The following ALK variants were observed in gnomAD, a reference collection of about 807,000 sequenced individuals.
ALK encodes ALK receptor tyrosine kinase.
In ALK, 74 loss-of-function variants were observed where a neutral mutation model predicts 163.1. The observed-to-expected ratio is 0.45, with a 90% CI of 0.38 to 0.55. The LOEUF is 0.55. Ranked by LOEUF, ALK falls within the 20% of genes least tolerant of loss-of-function variation. The pLI is 0.00. For synonymous variants in ALK, 960 were observed against 843.2 expected, an observed-to-expected ratio of 1.14 and a Z score of -2.40; for missense variants, 2,063 against 2,105.3, an observed-to-expected ratio of 0.98 and a Z score of 0.39.
intron 1 of ALK, among the ~76,000 whole-genome samples, chr2:29,900,291 GCC>G (rs777929787): frequency 7.3e-4 from 111 of 152,200 alleles, no homozygotes; most frequent in Non-Finnish European, 1.4e-3. Context: ...ATGGAGATGG[GCC>G]ACCTAACAGG....
At chr2:29,847,610 G>A (rs537649758) in intron 1 of ALK, among the ~76,000 whole-genome samples, 76 of 152,164 alleles carry the variant, frequency 5.0e-4, no homozygotes, top group African/African-American at 1.8e-3. Flanking sequence ...AGACAGAAAG[G>A]TGAACATGAC....
chr2:29,275,236 G>A lies in ALK; in HGVS notation c.1913-9C>T, dbSNP rs1413469769. The A allele has an allele frequency of 6.2e-7, 1 of 1,613,968 alleles. No individual in the cohort carries two copies. On this transcript the variant is annotated splice_polypyrimidine_tract_variant and intron_variant, in intron 10 of 28. Coordinates refer to ENST00000389048, the MANE Select transcript of ALK (RefSeq NM_004304.5). Reference sequence around the variant, plus strand: ...CTTGTCCTCTCCGCTAACTGCAATAGAGAAGACCCCACGGGCTGAGTTAGG... The same window carrying A: ...CTTGTCCTCTCCGCTAACTGCAATAAAGAAGACCCCACGGGCTGAGTTAGG...
In ALK at chr2:29,296,911, C is replaced by T. The variant is rs942266375; in HGVS notation, c.1794G>A (p.Leu598=). 3.7e-6 allele frequency: 6 copies of T among 1,614,050 alleles called. No individual in the cohort carries two copies. The Admixed American group carries it at 1.0e-4, about 27-fold the overall frequency. The part of the protein sequence containing the change: ...EGLSLWQWMV[L]PLLDVSDRFW... ...ACCTGTCAGACACATCGAGGAGAGG[C>T]AACACCATCCACTGCCACAGGCTCA... The change falls in exon 9 of 29, where the codon TTG becomes TTA. Residue 598 remains leucine (L), a synonymous_variant. Coordinates refer to ENST00000389048, the MANE Select transcript of ALK (RefSeq NM_004304.5).
intron 3 of ALK, among the ~76,000 whole-genome samples, chr2:29,599,295 T>C (rs1486774375): frequency 6.6e-6 from 1 of 152,162 alleles, no homozygotes; most frequent in African/African-American, 2.4e-5. Flanking sequence ...CCAGATGTGA[T>C]AAAATAAAAA....
intron 3 of ALK, among the ~76,000 whole-genome samples, chr2:29,537,089 C>T (rs886850797): frequency 6.6e-6 from 1 of 152,196 alleles, no homozygotes; most frequent in Non-Finnish European, 1.5e-5. Context: ...AATTTGCAGA[C>T]TACTCAGGTA....
At chr2:29,297,256 C>T (rs919509042) in intron 8 of ALK, among the ~76,000 whole-genome samples, 199 bp from the exon 9 acceptor site, 2 of 152,136 alleles carry the variant, frequency 1.3e-5, no homozygotes, top group African/African-American at 2.4e-5. Flanking sequence ...GATAACTGAA[C>T]GAATCTGTTA....
At chr2:29,211,926 G>C (rs1669476666) in intron 24 of ALK, among the ~76,000 whole-genome samples, 1 of 152,212 alleles carries the variant, frequency 6.6e-6, no homozygotes, top group Non-Finnish European at 1.5e-5. Context: ...ACTATTTCCA[G>C]ATATGGAAGT....
chr2:29,271,550 T>A (rs1665385516), intron 11 of ALK, among the ~76,000 whole-genome samples: 1 of 152,230 alleles, frequency 6.6e-6, no homozygotes, highest in South Asian at 2.1e-4. Context: ...ACTTGGACAC[T>A]GTCTACTTCT....
At chr2:29,229,218 A>T in intron 15 of ALK, 152 bp from the exon 16 acceptor site, 1 of 739,628 alleles carries the variant, frequency 1.4e-6, no homozygotes. Context: ...GGGGCTTCAG[A>T]TCCACACTAG....
intron 3 of ALK, among the ~76,000 whole-genome samples, chr2:29,546,488 T>G (rs1385780431): frequency 6.6e-6 from 1 of 152,040 alleles, no homozygotes; most frequent in African/African-American, 2.4e-5. Flanking sequence ...TTTAATTCAA[T>G]GAGAAACAGG....
Position 29,717,589 on chromosome 2 carries a change from C to A in ALK, c.776G>T (p.Arg259Leu), listed in dbSNP as rs138686378. 6.2e-7 allele frequency: 1 copy of A among 1,613,486 alleles called. No individual in the cohort carries two copies. Among genetic ancestry groups the A allele is most frequent in the African/African-American group, 1.3e-5 (1 of 74,820 alleles). The change falls in exon 2 of 29, where the codon CGC (arginine) becomes CTC (leucine). Residue 259 changes from arginine (R) to leucine (L), a missense_variant. Physicochemically the swap from Arg to Leu is moderately radical, Grantham distance 102 (BLOSUM62 -2). Transcript: ENST00000389048. ...MKDSFPFLSH[R>L]SRYGLECSFD... ...AAACATATACTTACCATATCGGCTG[C>A]GATGAGACAGGAAAGGGAAGGAGTC...
At chr2:29,660,445 G>A (rs1027645600) in intron 3 of ALK, among the ~76,000 whole-genome samples, 1 of 152,106 alleles carries the variant, frequency 6.6e-6, no homozygotes, top group African/African-American at 2.4e-5. Flanking sequence ...GGAAATCACT[G>A]GTGGGGACAA....
intron 3 of ALK, among the ~76,000 whole-genome samples, chr2:29,611,037 T>C (rs1675676917): frequency 6.6e-6 from 1 of 152,176 alleles, no homozygotes; most frequent in South Asian, 2.1e-4. Context: ...GTTTCTCTAA[T>C]GTGACCTAGG....
chr2:29,530,409 A>C (rs1485007834), intron 4 of ALK, among the ~76,000 whole-genome samples: 1 of 152,160 alleles, frequency 6.6e-6, no homozygotes, highest in Non-Finnish European at 1.5e-5. Flanking sequence ...GGGTATTCTC[A>C]GACTCCAACT....
intron 11 of ALK, among the ~76,000 whole-genome samples, chr2:29,258,423 C>A (rs1665005264): frequency 6.6e-6 from 1 of 152,188 alleles, no homozygotes; most frequent in African/African-American, 2.4e-5. Context: ...TTACCTCTTT[C>A]CTCATACATT....
chr2:29,674,066 G>C (rs1229425022), intron 3 of ALK, among the ~76,000 whole-genome samples: 1 of 143,488 alleles, frequency 7.0e-6, no homozygotes, highest in Admixed American at 7.0e-5. Context: ...AGCTTAAGGA[G>C]ATTTTGGGCT....
At chr2:29,225,866 A>C (rs971660180) in intron 18 of ALK, among the ~76,000 whole-genome samples, 4 of 152,106 alleles carry the variant, frequency 2.6e-5, no homozygotes, top group Non-Finnish European at 5.9e-5. Flanking sequence ...AGGTGAAACG[A>C]AAGTGGATCT....
At chr2:29,828,925 A>C (rs955188912) in intron 1 of ALK, among the ~76,000 whole-genome samples, 1 of 152,084 alleles carries the variant, frequency 6.6e-6, no homozygotes, top group Non-Finnish European at 1.5e-5. Context: ...CAAATGTCCA[A>C]CAATGATAGA....
At chr2:29,704,402 T>A (rs1368718003) in intron 2 of ALK, among the ~76,000 whole-genome samples, 3 of 152,194 alleles carry the variant, frequency 2.0e-5, no homozygotes, top group African/African-American at 7.2e-5. Flanking sequence ...GGCTGGAGAA[T>A]GATGGGGATC....
Sources: gnomAD v4.1 joint callset for allele counts (sites outside exome capture counted in the v4.1 genomes callset) on GRCh38, gnomAD v4.1.1 for gene constraint, MANE v1.5 for transcripts, NCBI Gene and HGNC (gene_info 2026-07-23, HGNC 2026-07-21) for gene names.